The following PDZRN4 variants were observed in gnomAD, a reference collection of about 807,000 sequenced individuals.
The protein encoded by PDZRN4 is PDZ domain-containing RING finger protein 4.
A neutral mutation model predicts 99.0 loss-of-function variants in PDZRN4; 70 were observed. The observed-to-expected ratio is 0.71, with a 90% CI of 0.58 to 0.86. PDZRN4 has a LOEUF of 0.86. Ranked by LOEUF, PDZRN4 falls within the 40% of genes least tolerant of loss-of-function variation. The pLI is 0.00. For missense variants in PDZRN4, 1,474 were observed against 1,331.2 expected (o/e 1.11, Z -1.67); for synonymous variants, 551 against 501.6 (o/e 1.10, Z -1.32).
chr12:41,234,202 A>G (rs1012668954), intron 3 of PDZRN4, among the ~76,000 whole-genome samples: 12 of 152,064 alleles, frequency 7.9e-5, no homozygotes, highest in African/African-American at 1.7e-4. Context: ...TTTCAAAATT[A>G]TCTTGGCAAG....
intron 3 of PDZRN4, among the ~76,000 whole-genome samples, chr12:41,453,715 T>C (rs1952794167): frequency 1.3e-5 from 2 of 152,030 alleles, no homozygotes; most frequent in Non-Finnish European, 2.9e-5. Flanking sequence ...CCCATTAAAA[T>C]TGATGGGAGA....
At chr12:41,440,576 C>T (rs886066749) in intron 3 of PDZRN4, among the ~76,000 whole-genome samples, 1 of 152,056 alleles carries the variant, frequency 6.6e-6, no homozygotes, top group African/African-American at 2.4e-5. Context: ...ATATTTTTTG[C>T]TCCTCTGGAG....
chr12:41,514,517 G>T (rs1295473524), intron 5 of PDZRN4, among the ~76,000 whole-genome samples: 1 of 151,952 alleles, frequency 6.6e-6, no homozygotes. Context: ...AAAAAAACAA[G>T]TCCCTAGCAT....
intron 5 of PDZRN4, among the ~76,000 whole-genome samples, chr12:41,522,776 A>G (rs1173715917): frequency 6.6e-6 from 1 of 152,174 alleles, no homozygotes; most frequent in Non-Finnish European, 1.5e-5. Flanking sequence ...TCATAATATT[A>G]TAATTCAAAA....
At chr12:41,289,339 A>G (rs1951441462) in intron 3 of PDZRN4, among the ~76,000 whole-genome samples, 1 of 152,226 alleles carries the variant, frequency 6.6e-6, no homozygotes, top group Admixed American at 6.5e-5. Flanking sequence ...TAAAACTATA[A>G]TAATAGTACA....
At chr12:41,468,823 C>A (rs1952956286) in intron 3 of PDZRN4, among the ~76,000 whole-genome samples, 4 of 152,128 alleles carry the variant, frequency 2.6e-5, no homozygotes, top group African/African-American at 7.2e-5. Flanking sequence ...GCCTTTTTTA[C>A]TCTTTTGTTT....
At chr12:41,210,005 C>T (rs566367221) in intron 3 of PDZRN4, among the ~76,000 whole-genome samples, 193 of 151,804 alleles carry the variant, frequency 1.3e-3, no homozygotes, top group Middle Eastern at 3.4e-3. Flanking sequence ...CTCTCCAGCA[C>T]CTGTTGTTTC....
chr12:41,563,846 A>G (rs1158799736), intron 8 of PDZRN4, among the ~76,000 whole-genome samples, 197 bp downstream of exon 8: 1 of 152,192 alleles, frequency 6.6e-6, no homozygotes. Context: ...CAATTAAGGT[A>G]TACAAAATAC....
chr12:41,372,766 T>G (rs1274535035), intron 3 of PDZRN4, among the ~76,000 whole-genome samples: 1 of 152,140 alleles, frequency 6.6e-6, no homozygotes, highest in Non-Finnish European at 1.5e-5. Context: ...TTTAAGACAG[T>G]TTAGACTTTA....
chr12:41,438,729 C>A (rs554424513), intron 3 of PDZRN4, among the ~76,000 whole-genome samples: 169 of 152,242 alleles, frequency 1.1e-3, no homozygotes, highest in Non-Finnish European at 1.0e-4. Context: ...TTTAGGAATA[C>A]AAATAAGAAA....
chr12:41,306,805 A>G (rs1267420097), intron 3 of PDZRN4, among the ~76,000 whole-genome samples: 1 of 152,140 alleles, frequency 6.6e-6, no homozygotes, highest in Non-Finnish European at 1.5e-5. Flanking sequence ...ACACAAAAAC[A>G]ATTCAGCCAT....
intron 3 of PDZRN4, among the ~76,000 whole-genome samples, chr12:41,208,221 G>T (rs1950864062): frequency 6.6e-6 from 1 of 151,864 alleles, no homozygotes; most frequent in Non-Finnish European, 1.5e-5. Flanking sequence ...CAAAATAGAA[G>T]TCTTTAAGTG....
intron 3 of PDZRN4, among the ~76,000 whole-genome samples, chr12:41,296,420 G>A (rs1400067193): frequency 6.6e-6 from 1 of 152,172 alleles, no homozygotes; most frequent in Admixed American, 6.6e-5. Flanking sequence ...TTTATGAAGG[G>A]TCAAAGAACA....
chr12:41,210,175 C>T (rs987453525), intron 3 of PDZRN4, among the ~76,000 whole-genome samples: 2 of 135,310 alleles, frequency 1.5e-5, no homozygotes, highest in African/African-American at 5.6e-5. Flanking sequence ...ATATCCTTCA[C>T]CCACTTTTTG....
At chr12:41,559,857 C>G (rs1424254173) in intron 7 of PDZRN4, among the ~76,000 whole-genome samples, 3 of 152,144 alleles carry the variant, frequency 2.0e-5, no homozygotes, top group African/African-American at 7.2e-5. Context: ...TGAGTTCTTT[C>G]AAGATCTGAT....
At chr12:41,218,170 G>A (rs999154486) in intron 3 of PDZRN4, among the ~76,000 whole-genome samples, 2 of 152,006 alleles carry the variant, frequency 1.3e-5, no homozygotes, top group Admixed American at 6.6e-5. Flanking sequence ...CTGATTTGTG[G>A]CATAATTCAA....
intron 3 of PDZRN4, among the ~76,000 whole-genome samples, chr12:41,310,028 C>T (rs1367401465): frequency 6.6e-6 from 1 of 151,950 alleles, no homozygotes; most frequent in Non-Finnish European, 1.5e-5. Flanking sequence ...TGTCTCCTGG[C>T]TTCAAGTGAT....
At position 41,560,355 on chromosome 12, in the gene PDZRN4, A is replaced by G. The variant is rs1241653547; in HGVS notation, c.1366-3193A>G. Among the ~76,000 whole-genome samples, 4 of 152,178 alleles carry G rather than the reference A, an allele frequency of 2.6e-5. No individual in the cohort carries two copies. In the East Asian group the frequency reaches 7.7e-4, roughly 29 times the overall value. On this transcript the variant is annotated intron_variant, in intron 7 of 9. Transcript: ENST00000402685. ...CATTTCTAAGCTTTTAGGGCTTTAC[A>G]CACACACATACAAAACACACTCATA...
chr12:41,563,116 A>C (rs1472732080), intron 7 of PDZRN4, among the ~76,000 whole-genome samples: 1 of 152,208 alleles, frequency 6.6e-6, no homozygotes, highest in African/African-American at 2.4e-5. Flanking sequence ...GGTGAGAGAT[A>C]ATACTGCAGC....
Sources: allele counts gnomAD v4.1 joint callset (sites outside exome capture counted in the v4.1 genomes callset), GRCh38; gene constraint gnomAD v4.1.1; transcripts MANE v1.5; gene names NCBI Gene and HGNC (gene_info 2026-07-23, HGNC 2026-07-21).